PLCG2: variants seen among roughly 807,000 people sequenced by gnomAD.
PLCG2 encodes 1-phosphatidylinositol 4,5-bisphosphate phosphodiesterase gamma-2.
A neutral mutation model predicts 175.6 loss-of-function variants in PLCG2; 69 were observed. The observed-to-expected ratio is 0.39, with a 90% CI of 0.32 to 0.48. PLCG2 has a LOEUF of 0.48. PLCG2 is among the 20% of genes least tolerant of loss of function. The pLI, the probability that PLCG2 is intolerant of heterozygous loss-of-function variation, is 0.91. For missense variants in PLCG2, 1,798 were observed against 1,650.9 expected, an observed-to-expected ratio of 1.09 and a Z score of -1.54; for synonymous variants, 827 against 624.0, an observed-to-expected ratio of 1.33 and a Z score of -4.85.
At chr16:81,883,747 A>G (rs190031162) in intron 9 of PLCG2, among the ~76,000 whole-genome samples, 2 of 152,194 alleles carry the variant, frequency 1.3e-5, no homozygotes, top group Non-Finnish European at 2.9e-5. Flanking sequence ...GATCAGATTC[A>G]TCAAGCCTGC....
chr16:81,831,936 A>G (rs1018583738), intron 2 of PLCG2, among the ~76,000 whole-genome samples: 3 of 152,198 alleles, frequency 2.0e-5, no homozygotes, highest in Non-Finnish European at 4.4e-5. Flanking sequence ...GCACAGGCAA[A>G]GCGGGGGCAG....
chr16:81,761,925 A>T (rs1910050186), intron 2 of PLCG2, among the ~76,000 whole-genome samples: 1 of 148,166 alleles, frequency 6.7e-6, no homozygotes, highest in Non-Finnish European at 1.5e-5. Flanking sequence ...TCTGCCTCCT[A>T]GGTTCAAGTG....
chr16:81,932,873 G>T (rs975423369), intron 25 of PLCG2, among the ~76,000 whole-genome samples: 1 of 152,204 alleles, frequency 6.6e-6, no homozygotes, highest in Non-Finnish European at 1.5e-5. Flanking sequence ...AGCCAGCTGC[G>T]CTGTCCTTCT....
chr16:81,784,443 G>A (rs886742607), intron 1 of PLCG2, among the ~76,000 whole-genome samples: 1 of 152,182 alleles, frequency 6.6e-6, no homozygotes, highest in Non-Finnish European at 1.5e-5. Context: ...GAGCAGCTTG[G>A]CAGAAGGCTG....
chr16:81,879,922 T>C (rs4435247), intron 7 of PLCG2, among the ~76,000 whole-genome samples: 145,292 of 152,294 alleles, frequency 0.95, 69,628 homozygotes, highest in East Asian at 1. Flanking sequence ...TTCTTTCGTC[T>C]TCTTGCCTTC....
At chr16:81,931,681 G>A (rs1358278253) in intron 25 of PLCG2, 27 bp downstream of exon 25, 2 of 1,606,532 alleles carry the variant, frequency 1.2e-6, no homozygotes, top group Admixed American at 1.7e-5. Flanking sequence ...CCGGGTGCAG[G>A]TGGGCCTGGC....
At chr16:81,944,056 TTAAAAAATA>T (rs1161190662) in intron 30 of PLCG2, among the ~76,000 whole-genome samples, 2 of 152,198 alleles carry the variant, frequency 1.3e-5, no homozygotes, top group East Asian at 3.8e-4. Flanking sequence ...CATCCAGCCA[TTAAAAAATA>T]TAAATTTGTA....
At chr16:81,945,908 A>G (rs1304434298) in intron 30 of PLCG2, among the ~76,000 whole-genome samples, 4 of 152,168 alleles carry the variant, frequency 2.6e-5, no homozygotes, top group African/African-American at 9.7e-5. Context: ...GTGGGTTTTA[A>G]TTTCTTCTGA....
At chr16:81,946,326 G>A in intron 31 of PLCG2, 63 bp downstream of exon 31, 2 of 1,171,318 alleles carry the variant, frequency 1.7e-6, no homozygotes, top group Admixed American at 1.7e-5. Flanking sequence ...GGTAGAAACG[G>A]CCCGTGAATA....
intron 19 of PLCG2, among the ~76,000 whole-genome samples, chr16:81,914,893 G>C (rs1486966073): frequency 1.3e-5 from 2 of 152,190 alleles, no homozygotes; most frequent in Non-Finnish European, 1.5e-5. Flanking sequence ...GTTTCTCAAA[G>C]AGTTGGGGTG....
intron 2 of PLCG2, among the ~76,000 whole-genome samples, chr16:81,852,490 T>C (rs906343154): frequency 2.0e-5 from 3 of 152,188 alleles, no homozygotes; most frequent in Admixed American, 1.3e-4. Flanking sequence ...GTTGAGCTTG[T>C]TGAGCTTGTG....
chr16:81,931,987 C>G (rs567783978), intron 25 of PLCG2, among the ~76,000 whole-genome samples: 33 of 152,278 alleles, frequency 2.2e-4, no homozygotes, highest in African/African-American at 7.2e-4. Flanking sequence ...TATTTTCTTT[C>G]TAAGTATCAT....
intron 2 of PLCG2, among the ~76,000 whole-genome samples, chr16:81,788,448 T>C (rs1911082109): frequency 1.3e-5 from 2 of 152,068 alleles, no homozygotes; most frequent in Non-Finnish European, 2.9e-5. Flanking sequence ...GCCCGGCTAA[T>C]TTTTTGTATT....
At chr16:81,777,570 G>A (rs1393673240), upstream of PLCG2, among the ~76,000 whole-genome samples, 2 of 152,002 alleles carry the variant, frequency 1.3e-5, no homozygotes, top group African/African-American at 4.8e-5. Flanking sequence ...TTAAAAAATT[G>A]ATGTGTTAAG....
intron 5 of PLCG2, among the ~76,000 whole-genome samples, chr16:81,859,558 G>A (rs558416087): frequency 5.4e-4 from 82 of 151,226 alleles, no homozygotes; most frequent in African/African-American, 1.8e-3. Flanking sequence ...TTTTTGAGAC[G>A]GAGTCTCGCT....
intron 22 of PLCG2, among the ~76,000 whole-genome samples, chr16:81,924,519 C>A (rs1910181751): frequency 6.6e-6 from 1 of 152,246 alleles, no homozygotes; most frequent in Non-Finnish European, 1.5e-5. Context: ...GAAGTGCAGT[C>A]ACTTGTCCAG....
intron 2 of PLCG2, among the ~76,000 whole-genome samples, chr16:81,757,290 C>G (rs191451447): frequency 6.6e-5 from 10 of 152,168 alleles, no homozygotes; most frequent in African/African-American, 2.4e-4. Context: ...GCCCTGGAAA[C>G]AAAACACACA....
intron 2 of PLCG2, among the ~76,000 whole-genome samples, chr16:81,843,883 T>TCTTCC (rs1905965908): frequency 6.6e-6 from 1 of 152,254 alleles, no homozygotes; most frequent in East Asian, 1.9e-4. Context: ...TAACTGCTTC[T>TCTTCC]CTTCCATTGC....
At chr16:81,902,464 C>G (rs1455428018) in intron 14 of PLCG2, among the ~76,000 whole-genome samples, 1 of 152,184 alleles carries the variant, frequency 6.6e-6, no homozygotes, top group African/African-American at 2.4e-5. Flanking sequence ...TGAGGCAGCT[C>G]TCTGGGACCT....
Sources: allele counts gnomAD v4.1 joint callset (sites outside exome capture counted in the v4.1 genomes callset), GRCh38; gene constraint gnomAD v4.1.1; transcripts MANE v1.5; gene names NCBI Gene and HGNC (gene_info 2026-07-23, HGNC 2026-07-21).